SCAMP4: variants seen among roughly 807,000 people sequenced by gnomAD.
SCAMP4 encodes secretory carrier membrane protein 4.
A neutral mutation model predicts 32.1 loss-of-function variants in SCAMP4; 19 were observed. The observed-to-expected ratio is 0.59, with a 90% CI of 0.41 to 0.87. SCAMP4 has a LOEUF of 0.87. Among genes scored for constraint, SCAMP4 ranks in the 40% least tolerant of loss-of-function variants. SCAMP4 has a pLI of 0.00. For synonymous variants in SCAMP4, 152 were observed against 132.7 expected (o/e 1.15, Z -1.00); for missense variants, 302 against 309.0 (o/e 0.98, Z 0.17).
At chr19:1,913,710 G>A (rs972741900) in intron 1 of SCAMP4, among the ~76,000 whole-genome samples, 1 of 152,216 alleles carries the variant, frequency 6.6e-6, no homozygotes, top group African/African-American at 2.4e-5. Context: ...GAAGGGCCCT[G>A]GGATTTCGTG....
At chr19:1,920,465 C>T (rs2013883497) in intron 5 of SCAMP4, 1 of 656,412 alleles carries the variant, frequency 1.5e-6, no homozygotes, top group Non-Finnish European at 1.9e-6. Flanking sequence ...GGCGCCAGGC[C>T]CTCCAGGGTG....
At chr19:1,912,785 C>T in intron 1 of SCAMP4, 2 of 1,569,934 alleles carry the variant, frequency 1.3e-6, no homozygotes, top group Non-Finnish European at 1.7e-6. Context: ...TGTGCGTGGA[C>T]CTCGTGGCGC....
At chr19:1,905,593 C>T (rs1013390443) in intron 1 of SCAMP4, 154 bp downstream of exon 1, 1 of 169,184 alleles carries the variant, frequency 5.9e-6, no homozygotes, top group African/African-American at 2.4e-5. Flanking sequence ...GCGTCTCGGG[C>T]GGGCCGGTGG....
intron 2 of SCAMP4, among the ~76,000 whole-genome samples, chr19:1,916,223 G>C (rs1004873179): frequency 6.6e-6 from 1 of 151,646 alleles, no homozygotes; most frequent in Non-Finnish European, 1.5e-5. Context: ...GGGTGACAGA[G>C]TGAGACTGGA....
chr19:1,919,247 C>T (rs1189331695), intron 5 of SCAMP4: 1 of 1,341,212 alleles, frequency 7.5e-7, no homozygotes, highest in Admixed American at 3.1e-5. Context: ...GTGCCTGCGT[C>T]CTCGCCAGCG....
At position 1,918,186 on chromosome 19, in the gene SCAMP4, G is replaced by A. The variant is rs1568771315; in HGVS notation, c.196G>A (p.Gly66Ser). ...IACLAWWIGGGSGTNFGLAFV... is the reference protein window; with the variant it reads ...IACLAWWIGGSSGTNFGLAFV... ...CTGCCTGGCCTGGTGGATCGGCGGAGGCTCGGGGACCAACTTCGGCCTGGC... is the reference window on the plus strand; with the variant it reads ...CTGCCTGGCCTGGTGGATCGGCGGAAGCTCGGGGACCAACTTCGGCCTGGC... Residue 66 changes from glycine to serine, a missense_variant, in exon 4 of 7, where the codon GGC becomes AGC. By Grantham distance (56) the Gly-to-Ser change is moderately conservative (BLOSUM62 0). Transcript: ENST00000316097. 1 of 1,612,774 alleles carries A rather than the reference G, an allele frequency of 6.2e-7. No individual in the cohort carries two copies. The highest frequency in any genetic ancestry group is 1.1e-5 in the South Asian group (1 of 91,086).
rs1328778995 is a variant in SCAMP4 at position 1,923,099 on chromosome 19, A to G, written c.425A>G (p.Gln142Arg). 7.1e-6 allele frequency: 11 copies of G among 1,551,862 alleles called. No individual in the cohort carries two copies. The Admixed American group carries it at 2.2e-4, about 30-fold the overall frequency. ...TGGCTGTCGGCAATTGGATTCTTCC[A>G]GTACAGCCCGGGCGCTGCCGTGGTC... ...CGWLSAIGFF[Q>R]YSPGAAVVML... is the part of the protein sequence containing the mutation. The change falls in exon 6 of 7, where the codon CAG (glutamine) becomes CGG (arginine). Residue 142 changes from glutamine (Q) to arginine (R), a missense_variant. By Grantham distance (43) the Gln-to-Arg change is conservative (BLOSUM62 1). Transcript: ENST00000316097.
Position 1,908,423 on chromosome 19 carries a change from A to C in SCAMP4, c.-42+2984A>C, listed in dbSNP as rs1218899197. On this transcript the variant is annotated intron_variant, in intron 1 of 6. Transcript: ENST00000316097. The surrounding 1 kb of genome is among the most constrained non-coding windows in gnomAD (Gnocchi z 4.2). ...GGCTGAGGCGTGGACCAGGCAGTGC[A>C]TGTCGAGGAGTAGCACCCACAGCTG... 2.2e-6 allele frequency: 1 copy of C among 462,086 alleles called. No individual in the cohort carries two copies. The highest frequency in any genetic ancestry group is 4.5e-6 in the Non-Finnish European group (1 of 221,960). 28.6% of individuals were successfully genotyped at this position (462,086 alleles called of 1,614,324 possible).
chr19:1,914,579 C>G (rs2013663779), intron 1 of SCAMP4: 1 of 237,664 alleles, frequency 4.2e-6, no homozygotes, highest in South Asian at 5.3e-5. Context: ...TCATGGGGTT[C>G]CCTTTCAGAA....
chr19:1,924,431 C>T lies in SCAMP4; in HGVS notation c.*147C>T, dbSNP rs747808576. 6.4e-5 allele frequency: 42 copies of T among 657,460 alleles called. No homozygotes were observed. The highest frequency in any genetic ancestry group is 4.2e-4 in the Middle Eastern group (1 of 2,408). The allele number at this position is 657,460 out of a possible 1,614,324, so 40.7% of individuals were successfully genotyped here. A position where few individuals can be genotyped will look rare whatever the true frequency, so the allele number is the denominator to read the frequency against. On this transcript the variant is annotated 3_prime_UTR_variant, in exon 7 of 7. Transcript: ENST00000316097. ...GTGGTGGCCACGGACCGCCCCCCTC[C>T]TGCCAGGGCCACAGAACCCGTGTTC...
chr19:1,912,896 A>G, intron 1 of SCAMP4: 1 of 1,607,980 alleles, frequency 6.2e-7, no homozygotes. Context: ...CCGTGCGTAA[A>G]CTGGACGCAG....
intron 1 of SCAMP4, among the ~76,000 whole-genome samples, chr19:1,910,118 C>T (rs1192971339): frequency 1.3e-5 from 2 of 152,220 alleles, no homozygotes; most frequent in African/African-American, 4.8e-5. Flanking sequence ...CACCCGCCAG[C>T]TCCCGGTTCT....
intron 1 of SCAMP4, chr19:1,906,327 T>G (rs1360805860): frequency 6.6e-6 from 1 of 151,894 alleles, no homozygotes; most frequent in Non-Finnish European, 1.5e-5. Flanking sequence ...ACCATTGTAC[T>G]CCAGGCTGAG....
At position 1,918,331 on chromosome 19, in the gene SCAMP4, C is replaced by G. The variant is rs1390814526; in HGVS notation, c.293+48C>G. On this transcript the variant is annotated intron_variant, in intron 4 of 6. Transcript: ENST00000316097. The stretch of plus-strand genomic sequence containing the variant: ...GTCTGCACCCAGAGGGAACCAGGGC[C>G]CACTCTGCACCCCAGTCCCAGCCCA... The G allele has an allele frequency of 2.6e-6, 4 of 1,510,386 alleles. No homozygotes were observed. In the Admixed American group the frequency reaches 8.0e-5, roughly 30 times the overall value. The allele number at this position is 1,510,386 out of a possible 1,614,324, so 93.6% of individuals were successfully genotyped here. A position where few individuals can be genotyped will look rare whatever the true frequency, so the allele number is the denominator to read the frequency against.
At position 1,924,420 on chromosome 19, in the gene SCAMP4, C is replaced by G. The variant is rs1724010282; in HGVS notation, c.*136C>G. 1 of 702,770 alleles carries G rather than the reference C, an allele frequency of 1.4e-6. No homozygotes were observed. Among genetic ancestry groups the G allele is most frequent in the South Asian group, 1.8e-5 (1 of 57,020 alleles). The allele number at this position is 702,770 out of a possible 1,614,324, so 43.5% of individuals were successfully genotyped here. A position where few individuals can be genotyped will look rare whatever the true frequency, so the allele number is the denominator to read the frequency against. ...GGTGGAAGCCGGTGGTGGCCACGGACCGCCCCCCTCCTGCCAGGGCCACAG... is the reference window on the plus strand; with the variant it reads ...GGTGGAAGCCGGTGGTGGCCACGGAGCGCCCCCCTCCTGCCAGGGCCACAG... On this transcript the variant is annotated 3_prime_UTR_variant, in exon 7 of 7. Transcript: ENST00000316097.
At chr19:1,919,103 C>T in intron 5 of SCAMP4, 113 bp downstream of exon 5, 3 of 1,532,254 alleles carry the variant, frequency 2.0e-6, no homozygotes, top group South Asian at 1.2e-5. Flanking sequence ...ATTGTACGCG[C>T]TCTCCTAGGG....
chr19:1,905,518 T>A (rs2013055836), intron 1 of SCAMP4, 79 bp downstream of exon 1: 1 of 365,652 alleles, frequency 2.7e-6, no homozygotes, highest in Non-Finnish European at 6.0e-6. Flanking sequence ...ACATGGGGGG[T>A]CTCGGCGGTG....
rs1238562563 is a variant in SCAMP4, at chr19:1,925,458, G to T, written c.*1174G>T. 6.5e-6 allele frequency: 1 copy of T among 152,682 alleles called. No individual in the cohort carries two copies. Among genetic ancestry groups the T allele is most frequent in the Admixed American group, 6.6e-5 (1 of 15,262 alleles). 9.5% of individuals were successfully genotyped at this position (152,682 alleles called of 1,614,324 possible). A position where few individuals can be genotyped will look rare whatever the true frequency, so the allele number is the denominator to read the frequency against. On this transcript the variant is annotated 3_prime_UTR_variant, in exon 7 of 7. Coordinates refer to ENST00000316097, the MANE Select transcript of SCAMP4 (RefSeq NM_079834.4). ...CTGTGCCTTATGGAGGGGTCCGGCA[G>T]CGGCCACAATTGTCTTGTCCCCTCA... is the stretch of plus-strand genomic sequence containing the variant.
chr19:1,914,936 A>G, intron 1 of SCAMP4, 43 bp from the exon 2 acceptor site: 1 of 1,550,362 alleles, frequency 6.5e-7, no homozygotes, highest in Admixed American at 1.7e-5. Flanking sequence ...CGCTCTGCCC[A>G]GGGCAGCTCA....
Sources: allele counts gnomAD v4.1 joint callset (sites outside exome capture counted in the v4.1 genomes callset), GRCh38; gene constraint gnomAD v4.1.1; non-coding constraint Gnocchi (gnomAD v3.1); transcripts MANE v1.5; gene names NCBI Gene and HGNC (gene_info 2026-07-23, HGNC 2026-07-21).